The following CCDC33 variants were observed in gnomAD, a reference collection of about 807,000 sequenced individuals.
CCDC33 encodes coiled-coil domain-containing protein 33.
CCDC33 carries 94 observed loss-of-function variants against 91.9 expected under a neutral mutation model. That is an observed-to-expected ratio of 1.02 (90% confidence interval 0.87 to 1.21). The LOEUF (loss-of-function observed/expected upper bound fraction) is 1.21, where lower values mean the gene tolerates loss of function less well. Ranked by LOEUF, CCDC33 falls within the 50% of genes most tolerant of loss-of-function variation. The pLI is 0.00. For synonymous variants in CCDC33, 396 were observed against 374.5 expected (o/e 1.06, Z -0.66); for missense variants, 940 against 935.5 (o/e 1.00, Z -0.06).
chr15:74,219,307 A>G (rs1334185732), intron 2 of CCDC33, among the ~76,000 whole-genome samples: 3 of 152,124 alleles, frequency 2.0e-5, no homozygotes, highest in Non-Finnish European at 4.4e-5. Context: ...TCCTTATCCG[A>G]AATATAGGAG....
chr15:74,333,316 C>G, intron 16 of CCDC33: 1 of 1,584,234 alleles, frequency 6.3e-7, no homozygotes, highest in Middle Eastern at 1.7e-4. Flanking sequence ...AGACCCTGCC[C>G]GCACAGGTGG....
At chr15:74,245,328 G>A (rs745751267) in intron 2 of CCDC33, among the ~76,000 whole-genome samples, 13 of 152,176 alleles carry the variant, frequency 8.5e-5, no homozygotes, top group South Asian at 2.1e-4. Context: ...AAGCTGTGCC[G>A]AGAGCAACAG....
At chr15:74,229,462 C>T (rs950468535) in intron 2 of CCDC33, among the ~76,000 whole-genome samples, 1 of 152,142 alleles carries the variant, frequency 6.6e-6, no homozygotes, top group African/African-American at 2.4e-5. Flanking sequence ...CACTGCACTC[C>T]AGCCTGGGTG....
intron 2 of CCDC33, among the ~76,000 whole-genome samples, chr15:74,220,675 T>TC (rs972527952): frequency 6.6e-6 from 1 of 152,112 alleles, no homozygotes; most frequent in African/African-American, 2.4e-5. Context: ...AGCCATCATC[T>TC]CCCCACCATG....
chr15:74,332,042 T>C (rs1336995117), intron 15 of CCDC33, among the ~76,000 whole-genome samples: 1 of 152,064 alleles, frequency 6.6e-6, no homozygotes, highest in Non-Finnish European at 1.5e-5. Flanking sequence ...AATAAATAAA[T>C]AAATAAATGA....
At chr15:74,238,351 T>C (rs1056371405) in intron 1 of CCDC33, among the ~76,000 whole-genome samples, 8 of 146,998 alleles carry the variant, frequency 5.4e-5, no homozygotes, top group African/African-American at 2.0e-4. Context: ...GAGGTTGCAG[T>C]GAGCCGAGAT....
intron 11 of CCDC33, among the ~76,000 whole-genome samples, chr15:74,328,533 T>C (rs2060357607): frequency 6.6e-6 from 1 of 152,208 alleles, no homozygotes; most frequent in Non-Finnish European, 1.5e-5. Context: ...ACAGAGTCTC[T>C]CCATTAACAA....
At chr15:74,297,820 A>G (rs2059717606) in intron 11 of CCDC33, among the ~76,000 whole-genome samples, 1 of 152,316 alleles carries the variant, frequency 6.6e-6, no homozygotes, top group African/African-American at 2.4e-5. Flanking sequence ...AGCCCTGTGG[A>G]GGGCTCAGAG....
chr15:74,311,364 C>T (rs1025652898), intron 11 of CCDC33, among the ~76,000 whole-genome samples: 5 of 151,940 alleles, frequency 3.3e-5, no homozygotes, highest in South Asian at 2.1e-4. Flanking sequence ...GCACATGCTT[C>T]GCAAAAATAA....
At chr15:74,205,118 G>C (rs2074231846) in intron 1 of CCDC33, among the ~76,000 whole-genome samples, 1 of 152,168 alleles carries the variant, frequency 6.6e-6, no homozygotes, top group Non-Finnish European at 1.5e-5. Context: ...GGGAAGAGAA[G>C]AGAGACGGGA....
chr15:74,210,463 G>A (rs1392796326), intron 2 of CCDC33, among the ~76,000 whole-genome samples: 1 of 152,160 alleles, frequency 6.6e-6, no homozygotes, highest in Non-Finnish European at 1.5e-5. Context: ...CTCATTTTAT[G>A]CTTCTTTAAC....
At chr15:74,205,942 G>GT (rs2074252311) in intron 1 of CCDC33, among the ~76,000 whole-genome samples, 1 of 152,260 alleles carries the variant, frequency 6.6e-6, no homozygotes, top group African/African-American at 2.4e-5. Context: ...AGGTCCAGAG[G>GT]TAAGGGCCAG....
Position 74,316,843 on chromosome 15 carries a change from C to T in CCDC33, c.1291-13346C>T, listed in dbSNP as rs893441787. 6.6e-6 allele frequency among the ~76,000 whole-genome samples: 1 copy of T among 152,158 alleles called. No individual in the cohort carries two copies. Among genetic ancestry groups the T allele is most frequent in the Non-Finnish European group, 1.5e-5 (1 of 68,030 alleles). Reference sequence around the variant, plus strand: ...CGCAGCCTCATTTAATCCCCAACAGCGTTATGAGATGGGCACAGTGATGCA... The same window carrying T: ...CGCAGCCTCATTTAATCCCCAACAGTGTTATGAGATGGGCACAGTGATGCA... On this transcript the variant is annotated intron_variant, in intron 11 of 18. Transcript: ENST00000398814. The surrounding 1 kb of genome is among the most constrained non-coding windows in gnomAD (Gnocchi z 4.7).
intron 10 of CCDC33, among the ~76,000 whole-genome samples, chr15:74,293,651 C>G (rs2059625948): frequency 6.6e-6 from 1 of 152,156 alleles, no homozygotes; most frequent in Non-Finnish European, 1.5e-5. Flanking sequence ...ACTGAGAGGA[C>G]CAGGTGGGAG....
chr15:74,254,484 G>A (rs1438148906), intron 2 of CCDC33, among the ~76,000 whole-genome samples: 4 of 152,166 alleles, frequency 2.6e-5, no homozygotes, highest in African/African-American at 9.7e-5. Flanking sequence ...GGACACCACC[G>A]GTGCCTCCAG....
intron 10 of CCDC33, among the ~76,000 whole-genome samples, chr15:74,283,868 C>T (rs957422649): frequency 2.6e-5 from 4 of 152,080 alleles, no homozygotes; most frequent in African/African-American, 9.7e-5. Flanking sequence ...TACACACAGT[C>T]ACAGACACAC....
At chr15:74,289,654 G>A (rs1030099399) in intron 10 of CCDC33, among the ~76,000 whole-genome samples, 3 of 152,142 alleles carry the variant, frequency 2.0e-5, no homozygotes, top group Non-Finnish European at 4.4e-5. Context: ...GGTTGAGGCT[G>A]CAATGAGCTG....
In CCDC33 at chr15:74,209,671, T is replaced by C; in HGVS notation, n.236+137T>C. The stretch of plus-strand genomic sequence containing the variant: ...ACATGCCTGCAACCTCCAACGCTGC[T>C]GGACAGTCGGCTGCATCCCCCCTCA... On this transcript the variant is annotated intron_variant and non_coding_transcript_variant, in intron 2 of 3. Coordinates refer to the CCDC33 transcript ENST00000558645. The C allele has an allele frequency of 7.4e-6, 4 of 543,386 alleles. No homozygotes were observed. In the South Asian group the frequency reaches 7.6e-5, roughly 10 times the overall value. The allele number at this position is 543,386 out of a possible 1,614,324, so 33.7% of individuals were successfully genotyped here. A position where few individuals can be genotyped will look rare whatever the true frequency, so the allele number is the denominator to read the frequency against.
At chr15:74,290,318 C>T (rs1328008002) in intron 10 of CCDC33, among the ~76,000 whole-genome samples, 1 of 152,002 alleles carries the variant, frequency 6.6e-6, no homozygotes, top group African/African-American at 2.4e-5. Flanking sequence ...GCTGGGATTA[C>T]AGGTGCCCGC....
Sources: gnomAD v4.1 joint callset for allele counts (sites outside exome capture counted in the v4.1 genomes callset) on GRCh38, gnomAD v4.1.1 for gene constraint, Gnocchi (gnomAD v3.1) non-coding constraint, MANE v1.5 for transcripts, NCBI Gene and HGNC (gene_info 2026-07-23, HGNC 2026-07-21) for gene names.